Variants in KLHL20 observed in about 807,000 individuals in gnomAD.
KLHL20 encodes the protein kelch like family member 20.
A neutral mutation model predicts 69.5 loss-of-function variants in KLHL20; 29 were observed. The observed-to-expected ratio is 0.42, with a 90% CI of 0.31 to 0.57. The LOEUF is 0.57. Ranked by LOEUF, KLHL20 falls within the 20% of genes least tolerant of loss-of-function variation. KLHL20 has a pLI of 0.18. For missense variants in KLHL20, 419 were observed against 776.0 expected, an observed-to-expected ratio of 0.54 and a Z score of 5.47; for synonymous variants, 253 against 265.2, an observed-to-expected ratio of 0.95 and a Z score of 0.45.
In KLHL20 at chr1:173,733,831, G is replaced by A; in HGVS notation, c.142G>A (p.Asp48Asn). ...ACCTGCCCGCATGCCCTATATCTCA[G>A]ACAAGCACCCTCGACAAACCTTGGA... ...PQPARMPYIS[D>N]KHPRQTLEVI... Residue 48 changes from aspartate (D) to asparagine (N), a missense_variant, in exon 3 of 12, where the codon GAC becomes AAC. Asp to Asn is a conservative substitution (Grantham distance 23, BLOSUM62 1). This residue lies in a region of KLHL20 where 129 missense variants were observed against 183.6 expected (regional missense o/e 0.70). Coordinates refer to ENST00000209884, the MANE Select transcript of KLHL20 (RefSeq NM_014458.4). 1.2e-6 allele frequency: 2 copies of A among 1,614,056 alleles called. No homozygotes were observed. Among genetic ancestry groups the A allele is most frequent in the Non-Finnish European group, 1.7e-6 (2 of 1,180,024 alleles).
At chr1:173,770,755 G>T (rs959349480) in intron 8 of KLHL20, among the ~76,000 whole-genome samples, 5 of 150,864 alleles carry the variant, frequency 3.3e-5, no homozygotes, top group African/African-American at 9.7e-5. Context: ...TTGAAAATAG[G>T]TAAAAATCTA....
rs187261417 is a variant in KLHL20 at position 173,739,906 on chromosome 1, G to A, written c.597+5620G>A. 5.9e-3 allele frequency among the ~76,000 whole-genome samples: 900 copies of A among 152,104 alleles called. 2 individuals are homozygous for A. The highest frequency in any genetic ancestry group is 8.7e-3 in the Non-Finnish European group (593 of 67,954). On this transcript the variant is annotated intron_variant, in intron 3 of 11. Transcript: ENST00000209884. The stretch of plus-strand genomic sequence containing the variant: ...TCTGCCCACCTTGGCGTCCCAAAGT[G>A]TTGGGATTACAGGCGTGAGCCACCA...
chr1:173,780,603 C>T (rs962424476), intron 10 of KLHL20, among the ~76,000 whole-genome samples: 1 of 152,098 alleles, frequency 6.6e-6, no homozygotes, highest in Non-Finnish European at 1.5e-5. Flanking sequence ...CATGTGGGAC[C>T]CCATCTATAC....
chr1:173,717,981 A>G (rs1323039068), intron 2 of KLHL20, among the ~76,000 whole-genome samples: 2 of 152,168 alleles, frequency 1.3e-5, no homozygotes, highest in Non-Finnish European at 2.9e-5. Flanking sequence ...TAACTCTCCC[A>G]TTGCTGACCC....
chr1:173,728,990 TA>T (rs1672117387), intron 2 of KLHL20, among the ~76,000 whole-genome samples: 1 of 151,774 alleles, frequency 6.6e-6, no homozygotes, highest in Non-Finnish European at 1.5e-5. Flanking sequence ...GCAAGACTAA[TA>T]AAGAAGAAAA....
chr1:173,775,928 A>G (rs370935504), intron 10 of KLHL20, 86 bp downstream of exon 10: 7 of 1,095,622 alleles, frequency 6.4e-6, no homozygotes, highest in East Asian at 4.8e-5. Context: ...ATATCTCTTC[A>G]TTATACTGGT....
intron 7 of KLHL20, among the ~76,000 whole-genome samples, chr1:173,763,765 A>G (rs1647484021): frequency 6.6e-6 from 1 of 152,086 alleles, no homozygotes; most frequent in Non-Finnish European, 1.5e-5. Context: ...TAAACCTAAG[A>G]CCTGAAACTG....
intron 5 of KLHL20, among the ~76,000 whole-genome samples, chr1:173,754,893 A>T (rs1673473184): frequency 6.6e-6 from 1 of 152,132 alleles, no homozygotes; most frequent in Non-Finnish European, 1.5e-5. Flanking sequence ...TGAAGATTAA[A>T]TGAGTTTATA....
At chr1:173,722,791 G>A (rs1037822557) in intron 2 of KLHL20, among the ~76,000 whole-genome samples, 15 of 150,994 alleles carry the variant, frequency 9.9e-5, no homozygotes, top group African/African-American at 3.7e-4. Context: ...CCAGGTTCAA[G>A]CAATTCTCCT....
chr1:173,769,967 AAAG>A (rs1438974891), intron 8 of KLHL20, among the ~76,000 whole-genome samples: 2 of 152,232 alleles, frequency 1.3e-5, no homozygotes, highest in African/African-American at 4.8e-5. Flanking sequence ...TACATAAAAA[AAAG>A]AAGGAGCTCC....
intron 2 of KLHL20, among the ~76,000 whole-genome samples, chr1:173,729,501 A>C (rs1409929386): frequency 2.0e-5 from 3 of 152,244 alleles, no homozygotes; most frequent in Non-Finnish European, 4.4e-5. Context: ...CGAATCCAGC[A>C]GCACATCAAG....
intron 9 of KLHL20, among the ~76,000 whole-genome samples, chr1:173,774,926 T>G (rs1158297005): frequency 1.3e-5 from 2 of 152,124 alleles, no homozygotes; most frequent in Non-Finnish European, 2.9e-5. Flanking sequence ...TCCTCCCACC[T>G]CAGCCTCCCG....
At chr1:173,755,877 C>T (rs2102504754) in intron 5 of KLHL20, 46 bp from the exon 6 acceptor site, 2 of 1,269,360 alleles carry the variant, frequency 1.6e-6, no homozygotes, top group South Asian at 1.2e-5. Context: ...ACTTAACTAA[C>T]AATGTAATTT....
At chr1:173,750,878 T>TA (rs1673280052) in intron 3 of KLHL20, among the ~76,000 whole-genome samples, 1 of 152,194 alleles carries the variant, frequency 6.6e-6, no homozygotes, top group South Asian at 2.1e-4. Flanking sequence ...ACATTCTTAA[T>TA]AAAATATTTA....
chr1:173,735,227 C>T (rs1672470789), intron 3 of KLHL20, among the ~76,000 whole-genome samples: 1 of 152,190 alleles, frequency 6.6e-6, no homozygotes. Flanking sequence ...GGGCAGATTG[C>T]ATGAGCTCAG....
At chr1:173,716,141 G>A in intron 2 of KLHL20, 75 bp downstream of exon 2, 1 of 1,423,720 alleles carries the variant, frequency 7.0e-7, no homozygotes, top group Non-Finnish European at 9.8e-7. Flanking sequence ...TTTTAAAAAA[G>A]AGTTTCAATC....
At chr1:173,722,606 T>C (rs535991324) in intron 2 of KLHL20, among the ~76,000 whole-genome samples, 1 of 151,858 alleles carries the variant, frequency 6.6e-6, no homozygotes, top group African/African-American at 2.4e-5. Context: ...GACAGAGCAA[T>C]ACCTTATTTC....
chr1:173,772,753 T>G (rs1392840366), intron 8 of KLHL20, among the ~76,000 whole-genome samples: 2 of 152,210 alleles, frequency 1.3e-5, no homozygotes, highest in Non-Finnish European at 2.9e-5. Flanking sequence ...TTCTTTAGTC[T>G]TGTTAAAGGA....
chr1:173,721,557 G>A (rs897861883), intron 2 of KLHL20, among the ~76,000 whole-genome samples: 3 of 152,210 alleles, frequency 2.0e-5, no homozygotes, highest in African/African-American at 7.2e-5. Flanking sequence ...CTGATATAAA[G>A]GGAAACTAGC....
Sources: gnomAD v4.1 joint callset for allele counts (sites outside exome capture counted in the v4.1 genomes callset) on GRCh38, gnomAD v4.1.1 for gene constraint, gnomAD v4.1.1 regional missense constraint, MANE v1.5 for transcripts, NCBI Gene and HGNC (gene_info 2026-07-23, HGNC 2026-07-21) for gene names.